ARNT: variants seen among roughly 807,000 people sequenced by gnomAD.
The protein encoded by ARNT is aryl hydrocarbon receptor nuclear translocator, also known as class E basic helix-loop-helix protein 2.
In ARNT, 30 loss-of-function variants were observed where a neutral mutation model predicts 105.0. The observed-to-expected ratio is 0.29, with a 90% CI of 0.21 to 0.39. ARNT has a LOEUF of 0.39. Among genes scored for constraint, ARNT ranks in the 10% least tolerant of loss-of-function variants. The probability of loss-of-function intolerance (pLI) is 1.00; values close to 1 mark genes in which losing one functional copy is unlikely to be tolerated. For missense variants in ARNT, 748 were observed against 978.7 expected, an observed-to-expected ratio of 0.76 and a Z score of 3.15; for synonymous variants, 304 against 344.0, an observed-to-expected ratio of 0.88 and a Z score of 1.29.
chr1:150,811,881 G>T lies in ARNT; in HGVS notation c.*140C>A. ...AGAGAGGCAACAGAGCAGGGGAACA[G>T]CCAGAAGGGAAAGGGGGTACATGTC... On this transcript the variant is annotated 3_prime_UTR_variant, in exon 22 of 22. Transcript: ENST00000358595. 2.0e-6 allele frequency: 1 copy of T among 492,256 alleles called. No homozygotes were observed. The highest frequency in any genetic ancestry group is 3.4e-6 in the Non-Finnish European group (1 of 294,904). The allele number at this position is 492,256 out of a possible 1,614,324, so 30.5% of individuals were successfully genotyped here.
chr1:150,813,122 A>T (rs775902596), intron 21 of ARNT, 50 bp downstream of exon 21: 9 of 1,585,004 alleles, frequency 5.7e-6, no homozygotes, highest in Non-Finnish European at 6.9e-6. Context: ...CTCCTCCTGG[A>T]CCCTTTCTCT....
chr1:150,854,673 A>C (rs1253184940), intron 2 of ARNT, among the ~76,000 whole-genome samples: 1 of 152,034 alleles, frequency 6.6e-6, no homozygotes, highest in Non-Finnish European at 1.5e-5. Context: ...CCCAGTCAAC[A>C]TGGTGAAACC....
chr1:150,847,056 G>A (rs983983923), intron 3 of ARNT, among the ~76,000 whole-genome samples: 5 of 151,954 alleles, frequency 3.3e-5, no homozygotes, highest in Admixed American at 1.3e-4. Context: ...TATCTATTGC[G>A]CAAAATGGGC....
intron 2 of ARNT, 38 bp downstream of exon 2, chr1:150,858,311 T>C (rs772948366): frequency 5.4e-6 from 8 of 1,489,500 alleles, no homozygotes; most frequent in Non-Finnish European, 7.4e-6. Context: ...AGTTGGTTTA[T>C]AGGAGAGATA....
rs760875607 is a variant in ARNT, at chr1:150,812,055, G to A, written c.2336C>T (p.Pro779Leu). The change falls in exon 22 of 22, where the codon CCT (proline) becomes CTT (leucine). Residue 779 changes from proline to leucine, a missense_variant. Around this residue, in one of 4 missense-constraint regions of ARNT, gnomAD observed 360 missense variants for 411.9 expected, o/e 0.87. Coordinates refer to ENST00000358595, the MANE Select transcript of ARNT (RefSeq NM_001668.4). The stretch of plus-strand genomic sequence containing the variant: ...AAAGGGGGGAAACATAGTTAGATCA[G>A]GGAATTCTTCATTGTTGTAGCTGTT... The part of the protein sequence containing the change: ...QSNSYNNEEF[P>L]DLTMFPPFSE 6.4e-7 allele frequency: 1 copy of A among 1,571,210 alleles called. No individual in the cohort carries two copies. The highest frequency in any genetic ancestry group is 8.7e-7 in the Non-Finnish European group (1 of 1,155,582).
chr1:150,832,238 G>A, intron 9 of ARNT, 96 bp downstream of exon 9: 7 of 1,297,582 alleles, frequency 5.4e-6, no homozygotes, highest in East Asian at 2.3e-5. Context: ...GCAAGTGAGA[G>A]CTGCTGAAGG....
chr1:150,823,970 G>A (rs1192379241), intron 13 of ARNT, among the ~76,000 whole-genome samples: 1 of 149,214 alleles, frequency 6.7e-6, no homozygotes, highest in African/African-American at 2.5e-5. Context: ...AGCCTCCCAA[G>A]TAGCTGAGAT....
At chr1:150,821,658 A>T (rs997040552) in intron 14 of ARNT, among the ~76,000 whole-genome samples, 5 of 151,178 alleles carry the variant, frequency 3.3e-5, no homozygotes, top group African/African-American at 1.2e-4. Flanking sequence ...TTTTATTTTT[A>T]TTTTTTTTGA....
At chr1:150,849,622 G>C (rs1342260899) in intron 3 of ARNT, among the ~76,000 whole-genome samples, 2 of 152,060 alleles carry the variant, frequency 1.3e-5, no homozygotes, top group East Asian at 3.9e-4. Flanking sequence ...AATTAGCCAG[G>C]TATTATGGCT....
intron 1 of ARNT, among the ~76,000 whole-genome samples, chr1:150,869,915 G>A (rs1196337552): frequency 1.3e-5 from 2 of 152,066 alleles, no homozygotes; most frequent in Non-Finnish European, 2.9e-5. Flanking sequence ...ACCAAGCAAT[G>A]CCTTGCCCCC....
intron 1 of ARNT, among the ~76,000 whole-genome samples, chr1:150,873,413 G>C (rs1454049221): frequency 6.6e-6 from 1 of 151,872 alleles, no homozygotes; most frequent in Non-Finnish European, 1.5e-5. Context: ...AGTAGAACTA[G>C]TGAAAAATGA....
At chr1:150,875,684 G>C (rs1458461440) in intron 1 of ARNT, among the ~76,000 whole-genome samples, 1 of 152,196 alleles carries the variant, frequency 6.6e-6, no homozygotes, top group Non-Finnish European at 1.5e-5. Context: ...CTAGTAATTT[G>C]AAGATCTGAT....
At chr1:150,874,980 C>G (rs975731654) in intron 1 of ARNT, among the ~76,000 whole-genome samples, 2 of 152,144 alleles carry the variant, frequency 1.3e-5, no homozygotes, top group Admixed American at 6.5e-5. Flanking sequence ...CCCACCCACA[C>G]AGCTGGAAAA....
At chr1:150,861,385 T>G in intron 1 of ARNT, 1 of 342,032 alleles carries the variant, frequency 2.9e-6, no homozygotes, top group Non-Finnish European at 5.7e-6. Context: ...ATTCCACCTC[T>G]GGGTATATAC....
Position 150,829,086 on chromosome 1 carries a change from T to C in ARNT, c.1167+7A>G. On this transcript the variant is annotated splice_region_variant and intron_variant, in intron 12 of 21. Transcript: ENST00000358595. ...AATGGAGGCCTAATGGAGCTCCAGCTCCTCACCTGTGGCTGGTAGCCAACA... is the reference window on the plus strand; with the variant it reads ...AATGGAGGCCTAATGGAGCTCCAGCCCCTCACCTGTGGCTGGTAGCCAACA... 6.2e-7 allele frequency: 1 copy of C among 1,613,948 alleles called. No homozygotes were observed. Among genetic ancestry groups the C allele is most frequent in the Non-Finnish European group, 8.5e-7 (1 of 1,179,880 alleles).
chr1:150,873,233 G>A (rs1187627734), intron 1 of ARNT, among the ~76,000 whole-genome samples: 2 of 151,412 alleles, frequency 1.3e-5, no homozygotes, highest in Admixed American at 6.6e-5. Context: ...AGCTTGCAGT[G>A]AGCCAAGATA....
chr1:150,860,631 A>G (rs1424474194), intron 1 of ARNT, among the ~76,000 whole-genome samples: 3 of 151,968 alleles, frequency 2.0e-5, no homozygotes, highest in Admixed American at 2.0e-4. Context: ...CAAGGCGGGC[A>G]TATCACCTGA....
chr1:150,826,884 T>C (rs778136998), intron 12 of ARNT, among the ~76,000 whole-genome samples: 1 of 152,020 alleles, frequency 6.6e-6, no homozygotes, highest in Admixed American at 6.6e-5. Context: ...TGACCTCAAG[T>C]GATCCACCCG....
At chr1:150,836,230 A>G in intron 7 of ARNT, 50 bp downstream of exon 7, 1 of 1,578,482 alleles carries the variant, frequency 6.3e-7, no homozygotes, top group Non-Finnish European at 8.7e-7. Context: ...AGTCTCAGGA[A>G]AAAAACAAGA....
Sources: gnomAD v4.1 joint callset for allele counts (sites outside exome capture counted in the v4.1 genomes callset) on GRCh38, gnomAD v4.1.1 for gene constraint, gnomAD v4.1.1 regional missense constraint, MANE v1.5 for transcripts, NCBI Gene and HGNC (gene_info 2026-07-23, HGNC 2026-07-21) for gene names.